Variants in BACH2 observed in about 807,000 individuals in gnomAD.
BACH2 encodes BACH transcriptional regulator 2.
BACH2 carries 5 observed loss-of-function variants against 61.8 expected under a neutral mutation model. The ratio of observed to expected loss-of-function variants is 0.08; its 90% CI spans 0.04 to 0.17. The LOEUF (loss-of-function observed/expected upper bound fraction) is 0.17. Among genes scored for constraint, BACH2 ranks in the 10% least tolerant of loss-of-function variants. The probability of loss-of-function intolerance (pLI) is 1.00; values close to 1 mark genes in which losing one functional copy is unlikely to be tolerated. For missense variants in BACH2, 824 were observed against 1,091.1 expected (o/e 0.76, Z 3.45); for synonymous variants, 446 against 440.1 (o/e 1.01, Z -0.17).
intron 3 of BACH2, among the ~76,000 whole-genome samples, chr6:90,207,490 C>T (rs1323485868): frequency 6.6e-6 from 1 of 152,082 alleles, no homozygotes; most frequent in Non-Finnish European, 1.5e-5. Flanking sequence ...GACTTGTAGC[C>T]TTTTCCTCTG....
chr6:90,249,148 G>A (rs1770727436), intron 3 of BACH2, among the ~76,000 whole-genome samples: 1 of 152,142 alleles, frequency 6.6e-6, no homozygotes, highest in African/African-American at 2.4e-5. Flanking sequence ...AAGTCATAAT[G>A]GAAATGACTC....
intron 6 of BACH2, among the ~76,000 whole-genome samples, chr6:89,998,901 T>C (rs1166381082): frequency 3.9e-5 from 6 of 152,196 alleles, no homozygotes; most frequent in Non-Finnish European, 7.3e-5. Context: ...ACAATGGAGT[T>C]GAAACCTGAA....
chr6:90,113,549 AC>A (rs1334243588), intron 4 of BACH2, among the ~76,000 whole-genome samples: 1 of 152,182 alleles, frequency 6.6e-6, no homozygotes, highest in African/African-American at 2.4e-5. Flanking sequence ...AATAATGAGA[AC>A]AAAGATATAC....
At chr6:90,097,710 A>G (rs1391450302) in intron 4 of BACH2, among the ~76,000 whole-genome samples, 3 of 152,244 alleles carry the variant, frequency 2.0e-5, no homozygotes, top group Non-Finnish European at 4.4e-5. Context: ...ATTTTTAAGT[A>G]TACGGTTCAG....
chr6:90,163,414 T>A (rs1404619145), intron 4 of BACH2, among the ~76,000 whole-genome samples: 6 of 152,194 alleles, frequency 3.9e-5, no homozygotes, highest in Non-Finnish European at 8.8e-5. Flanking sequence ...ATTTTCTGCT[T>A]TAAGTAGAGT....
intron 3 of BACH2, among the ~76,000 whole-genome samples, chr6:90,242,875 T>C (rs968555779): frequency 2.6e-5 from 4 of 151,784 alleles, no homozygotes; most frequent in Non-Finnish European, 5.9e-5. Context: ...TTGGGCAAAT[T>C]ATCTGATTTC....
intron 5 of BACH2, among the ~76,000 whole-genome samples, chr6:90,078,109 T>C (rs1781554718): frequency 6.6e-6 from 1 of 152,220 alleles, no homozygotes; most frequent in African/African-American, 2.4e-5. Flanking sequence ...TCTGTCAGAT[T>C]GTTCAGTAAC....
At chr6:90,156,889 A>T (rs141134947) in intron 4 of BACH2, among the ~76,000 whole-genome samples, 1 of 152,362 alleles carries the variant, frequency 6.6e-6, no homozygotes, top group African/African-American at 2.4e-5. Flanking sequence ...TGAAAATCTC[A>T]TCCTCACACA....
chr6:89,932,567 A>G lies in BACH2; in HGVS notation c.2367T>C (p.Asn789=). The stretch of plus-strand genomic sequence containing the variant: ...CTTCTAGTCTCCTCCCAGAGGTACA[A>G]TTCTCGGAGGTGTTGCTGGGTGCCC... ...PPWAPSNTSE[N]CTSGRRLEGT... The change falls in exon 9 of 9, where the codon AAT becomes AAC. Residue 789 remains asparagine, a synonymous_variant. Coordinates refer to ENST00000257749, the MANE Select transcript of BACH2 (RefSeq NM_021813.4). The G allele has an allele frequency of 1.9e-6, 3 of 1,613,904 alleles. No individual in the cohort carries two copies. Among genetic ancestry groups the G allele is most frequent in the African/African-American group, 1.3e-5 (1 of 74,952 alleles).
At chr6:90,075,214 G>T (rs1781419484) in intron 5 of BACH2, among the ~76,000 whole-genome samples, 1 of 152,150 alleles carries the variant, frequency 6.6e-6, no homozygotes, top group Non-Finnish European at 1.5e-5. Flanking sequence ...AAAGATTTTA[G>T]TGAGTTTATG....
Position 89,929,243 on chromosome 6 carries a change from T to C in BACH2, c.*3165A>G, listed in dbSNP as rs1418780722. The C allele has an allele frequency of 6.6e-6, 1 of 152,376 alleles. No individual in the cohort carries two copies. Among genetic ancestry groups the C allele is most frequent in the Non-Finnish European group, 1.5e-5 (1 of 68,052 alleles). The allele number at this position is 152,376 out of a possible 1,614,324, so 9.4% of individuals were successfully genotyped here. A position where few individuals can be genotyped will look rare whatever the true frequency, so the allele number is the denominator to read the frequency against. Reference sequence around the variant, plus strand: ...AGCCTTAAGAACAACCAAATGTTACTGTACTGTGCAAACACTCTTCCTTGC... The same window carrying C: ...AGCCTTAAGAACAACCAAATGTTACCGTACTGTGCAAACACTCTTCCTTGC... On this transcript the variant is annotated 3_prime_UTR_variant, in exon 9 of 9. Transcript: ENST00000257749.
chr6:90,109,327 T>A (rs1783063780), intron 4 of BACH2, among the ~76,000 whole-genome samples: 1 of 152,166 alleles, frequency 6.6e-6, no homozygotes, highest in Non-Finnish European at 1.5e-5. Flanking sequence ...TCTTGTGGCT[T>A]CAGGGGCACC....
intron 4 of BACH2, among the ~76,000 whole-genome samples, chr6:90,133,345 T>C (rs961369955): frequency 6.6e-6 from 1 of 152,262 alleles, no homozygotes; most frequent in Non-Finnish European, 1.5e-5. Flanking sequence ...CACAGCAGAA[T>C]TGAATAAACC....
At chr6:90,103,407 T>C (rs1461532003) in intron 4 of BACH2, among the ~76,000 whole-genome samples, 1 of 152,068 alleles carries the variant, frequency 6.6e-6, no homozygotes, top group East Asian at 1.9e-4. Flanking sequence ...CTCAGCATTA[T>C]CTGGTTATCG....
chr6:89,937,094 T>G (rs981943758), intron 8 of BACH2, among the ~76,000 whole-genome samples: 18 of 151,944 alleles, frequency 1.2e-4, no homozygotes, highest in African/African-American at 3.9e-4. Flanking sequence ...CACATAGCTC[T>G]GAGTATGGGG....
At chr6:90,152,232 T>C (rs553798469) in intron 4 of BACH2, among the ~76,000 whole-genome samples, 1 of 152,350 alleles carries the variant, frequency 6.6e-6, no homozygotes, top group African/African-American at 2.4e-5. Context: ...CACGACTCTA[T>C]AATTTATTTC....
intron 4 of BACH2, among the ~76,000 whole-genome samples, chr6:90,101,905 T>G (rs2127812054): frequency 6.6e-6 from 1 of 152,342 alleles, no homozygotes; most frequent in East Asian, 1.9e-4. Context: ...TATTTAATTA[T>G]TTTTGATGCT....
In BACH2 at chr6:89,950,281, T is replaced by G; in HGVS notation, c.1825A>C (p.Arg609=). ...ADSESCPVQD[R]GQEVKLPFPV... ...TGTGGGTTCCCTACCTCCTGGCCCC[T>G]GTCCTGCACAGGACACGACTCACTG... The change falls in exon 7 of 9, where the codon AGG becomes CGG. Residue 609 remains arginine (R), a synonymous_variant. Coordinates refer to ENST00000257749, the MANE Select transcript of BACH2 (RefSeq NM_021813.4). This position sits in a 1 kb window ranked among gnomAD's most constrained non-coding sequence, Gnocchi z 5.3. 6.2e-7 allele frequency: 1 copy of G among 1,614,162 alleles called. No homozygotes were observed. The highest frequency in any genetic ancestry group is 8.5e-7 in the Non-Finnish European group (1 of 1,180,022).
chr6:90,081,097 G>A (rs940729317), intron 5 of BACH2, among the ~76,000 whole-genome samples: 2 of 152,146 alleles, frequency 1.3e-5, no homozygotes, highest in Non-Finnish European at 2.9e-5. Flanking sequence ...GAGCATTTTA[G>A]TTTTCACTGG....
Sources: allele counts gnomAD v4.1 joint callset (sites outside exome capture counted in the v4.1 genomes callset), GRCh38; gene constraint gnomAD v4.1.1; non-coding constraint Gnocchi (gnomAD v3.1); transcripts MANE v1.5; gene names NCBI Gene and HGNC (gene_info 2026-07-23, HGNC 2026-07-21).